The following PTPRD variants were observed in gnomAD, a reference collection of about 807,000 sequenced individuals.
PTPRD encodes protein tyrosine phosphatase receptor type D.
In PTPRD, 34 loss-of-function variants were observed where a neutral mutation model predicts 214.5. That is an observed-to-expected ratio of 0.16 (90% CI 0.12 to 0.21). The LOEUF (loss-of-function observed/expected upper bound fraction) is 0.21, where lower values mean the gene tolerates loss of function less well. Ranked by LOEUF, PTPRD falls within the 10% of genes least tolerant of loss-of-function variation. The pLI, the probability that PTPRD is intolerant of heterozygous loss-of-function variation, is 1.00. For missense variants in PTPRD, 2,545 were observed against 2,398.7 expected (o/e 1.06, Z -1.27); for synonymous variants, 1,128 against 845.7 (o/e 1.33, Z -5.79).
At chr9:10,534,118 T>C (rs956532322) in intron 2 of PTPRD, among the ~76,000 whole-genome samples, 2 of 151,932 alleles carry the variant, frequency 1.3e-5, no homozygotes, top group African/African-American at 4.8e-5. Context: ...AGGGAAACCC[T>C]TACTATCATT....
At chr9:9,120,012 G>A (rs1239918626) in intron 10 of PTPRD, among the ~76,000 whole-genome samples, 5 of 152,050 alleles carry the variant, frequency 3.3e-5, no homozygotes, top group African/African-American at 1.2e-4. Context: ...GGGACATAAT[G>A]GTTGAATGCA....
chr9:8,879,571 C>T (rs999223183), intron 11 of PTPRD, among the ~76,000 whole-genome samples: 4 of 152,062 alleles, frequency 2.6e-5, no homozygotes, highest in African/African-American at 9.7e-5. Context: ...TTGGAGGTCC[C>T]TTTATGATTA....
chr9:9,197,950 T>C (rs1338311345), intron 9 of PTPRD, among the ~76,000 whole-genome samples: 1 of 152,210 alleles, frequency 6.6e-6, no homozygotes, highest in Non-Finnish European at 1.5e-5. Flanking sequence ...ATCAAGCTTT[T>C]TGACACTGGA....
chr9:8,382,898 T>C (rs1477435869), intron 37 of PTPRD, among the ~76,000 whole-genome samples: 1 of 152,214 alleles, frequency 6.6e-6, no homozygotes, highest in Non-Finnish European at 1.5e-5. Context: ...CCTTTGGCGC[T>C]TCCAGTTCCA....
At chr9:8,727,463 G>A (rs903117494) in intron 12 of PTPRD, among the ~76,000 whole-genome samples, 1 of 152,054 alleles carries the variant, frequency 6.6e-6, no homozygotes. Flanking sequence ...GAAGGAAGAG[G>A]GAGTAATTTT....
intron 11 of PTPRD, among the ~76,000 whole-genome samples, chr9:8,930,840 C>A (rs1471665246): frequency 6.6e-6 from 1 of 151,954 alleles, no homozygotes; most frequent in African/African-American, 2.4e-5. Flanking sequence ...TGTTTGAGTT[C>A]TTTGTAGATT....
chr9:9,519,030 G>A (rs1301390116), intron 8 of PTPRD, among the ~76,000 whole-genome samples: 1 of 151,894 alleles, frequency 6.6e-6, no homozygotes, highest in Non-Finnish European at 1.5e-5. Context: ...ATTACAGTAT[G>A]TTAATCTAGA....
At chr9:10,148,115 A>C (rs2099036365) in intron 3 of PTPRD, among the ~76,000 whole-genome samples, 1 of 152,128 alleles carries the variant, frequency 6.6e-6, no homozygotes, top group Non-Finnish European at 1.5e-5. Flanking sequence ...GAAGAAGGGA[A>C]TCTACATGGC....
At chr9:9,593,224 C>CAT (rs1592442935) in intron 7 of PTPRD, among the ~76,000 whole-genome samples, 2 of 150,886 alleles carry the variant, frequency 1.3e-5, no homozygotes, top group East Asian at 2.0e-4. Context: ...TTTTTCCCCC[C>CAT]CCTCAAAGAA....
chr9:9,578,470 G>A (rs939582463), intron 7 of PTPRD, among the ~76,000 whole-genome samples: 1 of 151,906 alleles, frequency 6.6e-6, no homozygotes, highest in African/African-American at 2.4e-5. Context: ...TTTGCAAGGA[G>A]TCCAAAAATT....
chr9:8,739,826 C>T (rs1161241903), intron 11 of PTPRD, among the ~76,000 whole-genome samples: 1 of 152,088 alleles, frequency 6.6e-6, no homozygotes, highest in African/African-American at 2.4e-5. Flanking sequence ...TGTGCTGTTC[C>T]CATGATAGTG....
intron 14 of PTPRD, among the ~76,000 whole-genome samples, chr9:8,583,764 T>C (rs78830465): frequency 1.8e-3 from 270 of 152,358 alleles, no homozygotes; most frequent in African/African-American, 5.9e-3. Flanking sequence ...CAATGTTTCA[T>C]GTCCTTATTC....
chr9:9,946,578 C>G (rs775778919), intron 4 of PTPRD, among the ~76,000 whole-genome samples: 4 of 152,084 alleles, frequency 2.6e-5, no homozygotes, highest in Non-Finnish European at 5.9e-5. Context: ...GAGGCACACT[C>G]TTTTTGCAAA....
chr9:10,453,263 C>G (rs2098861617), intron 2 of PTPRD, among the ~76,000 whole-genome samples: 1 of 151,338 alleles, frequency 6.6e-6, no homozygotes, highest in Admixed American at 6.6e-5. Flanking sequence ...ATGTCTCCAG[C>G]TATTTGTTCT....
intron 8 of PTPRD, among the ~76,000 whole-genome samples, chr9:9,525,947 G>A (rs972920322): frequency 2.0e-5 from 3 of 151,780 alleles, no homozygotes; most frequent in African/African-American, 4.8e-5. Context: ...ATCCTCATAT[G>A]TTCCTTTCAA....
rs920689269 is a variant in PTPRD at position 10,122,430 on chromosome 9, G to C, written c.-544-88640C>G. On this transcript the variant is annotated intron_variant, in intron 3 of 45. Transcript: ENST00000381196. ...TTTCAAATAGATCTAGAAATTAACA[G>C]GTATCAAAGGGCTACCGTGGGAAAG... Among the ~76,000 whole-genome samples the C allele has an allele frequency of 9.2e-5, 14 of 152,030 alleles. 1 individual carries two copies. The highest frequency in any genetic ancestry group is 1.8e-4 in the Non-Finnish European group (12 of 68,018).
At chr9:8,709,508 C>A (rs1298341059) in intron 12 of PTPRD, among the ~76,000 whole-genome samples, 2 of 134,654 alleles carry the variant, frequency 1.5e-5, no homozygotes, top group Middle Eastern at 3.8e-3. Flanking sequence ...GAGTGAGACT[C>A]CATCTCAAAA....
chr9:10,312,789 C>T (rs2096303260), intron 3 of PTPRD, among the ~76,000 whole-genome samples: 1 of 151,736 alleles, frequency 6.6e-6, no homozygotes, highest in African/African-American at 2.4e-5. Flanking sequence ...ATTTCACTGA[C>T]CTTGGAAAGA....
At chr9:10,296,208 C>A (rs965061225) in intron 3 of PTPRD, among the ~76,000 whole-genome samples, 2 of 152,020 alleles carry the variant, frequency 1.3e-5, no homozygotes, top group Admixed American at 6.6e-5. Context: ...CGTCTGGATT[C>A]TTTAAATTTC....
Sources: gnomAD v4.1 joint callset for allele counts (sites outside exome capture counted in the v4.1 genomes callset) on GRCh38, gnomAD v4.1.1 for gene constraint, MANE v1.5 for transcripts, NCBI Gene and HGNC (gene_info 2026-07-23, HGNC 2026-07-21) for gene names.